Variants in XYLT1 observed in about 807,000 individuals in gnomAD.
The protein encoded by XYLT1 is beta-D-xylosyltransferase 1.
In XYLT1, 36 loss-of-function variants were observed where a neutral mutation model predicts 91.3. The observed-to-expected ratio is 0.39, with a 90% CI of 0.30 to 0.52. The LOEUF (loss-of-function observed/expected upper bound fraction) is 0.52. XYLT1 is among the 20% of genes least tolerant of loss of function. The pLI is 0.68. For synonymous variants in XYLT1, 588 were observed against 532.0 expected (o/e 1.11, Z -1.45); for missense variants, 1,242 against 1,284.5 (o/e 0.97, Z 0.51).
intron 1 of XYLT1, among the ~76,000 whole-genome samples, chr16:17,467,404 G>C (rs66554370): frequency 0.096 from 14,675 of 152,122 alleles, 987 homozygotes; most frequent in African/African-American, 0.18. Flanking sequence ...CTTTATAAGG[G>C]AGTCCATCTG....
rs933396863 is a variant in XYLT1, at chr16:17,258,300, GGAGA to G, written c.913+684_913+687del. On this transcript the variant is annotated intron_variant, in intron 3 of 11. Coordinates refer to ENST00000261381, the MANE Select transcript of XYLT1 (RefSeq NM_022166.4). ...AAGAAAATAGGAAGAAAAGAGGAAAGGAGAGAGAAAGAAAATTAAAATAAGGAAG... is the reference window on the plus strand; with the variant it reads ...AAGAAAATAGGAAGAAAAGAGGAAAGGAGAAAGAAAATTAAAATAAGGAAG... 3.3e-5 allele frequency among the ~76,000 whole-genome samples: 5 copies of G among 150,210 alleles called. No homozygotes were observed. The South Asian group carries it at 1.1e-3, about 32-fold the overall frequency.
At chr16:17,303,266 C>T (rs920814173) in intron 2 of XYLT1, among the ~76,000 whole-genome samples, 14 of 152,238 alleles carry the variant, frequency 9.2e-5, no homozygotes, top group Admixed American at 6.5e-4. Flanking sequence ...TCCTCTTTTG[C>T]GAACCAAAGT....
At chr16:17,127,052 G>A (rs922084413) in intron 10 of XYLT1, among the ~76,000 whole-genome samples, 3 of 152,174 alleles carry the variant, frequency 2.0e-5, no homozygotes, top group South Asian at 2.1e-4. Flanking sequence ...AGTGGGTGCC[G>A]GGGAAGGTTT....
intron 2 of XYLT1, among the ~76,000 whole-genome samples, chr16:17,304,385 A>C (rs2141815624): frequency 6.6e-6 from 1 of 152,280 alleles, no homozygotes; most frequent in Admixed American, 6.5e-5. Context: ...CTTCCTCCCC[A>C]AAGCTGTTGC....
At chr16:17,333,604 T>TTTG in intron 2 of XYLT1, among the ~76,000 whole-genome samples, 1 of 151,014 alleles carries the variant, frequency 6.6e-6, no homozygotes, top group Non-Finnish European at 1.5e-5. Flanking sequence ...TTTTTTTTTT[T>TTTG]TGAGATGAAG....
Position 17,198,264 on chromosome 16 carries a change from C to T in XYLT1, c.1237G>A (p.Asp413Asn), listed in dbSNP as rs774302454. The change falls in exon 5 of 12, where the codon GAC becomes AAC. Residue 413 changes from aspartate (D) to asparagine (N), a missense_variant. This residue lies in a region of XYLT1 where 294 missense variants were observed against 376.0 expected (regional missense o/e 0.78). Transcript: ENST00000261381. ...TTGATGAAGAAGTCCCAGGGCCAGT[C>T]GGTCATCTCCAGGAGGTCCCGCATG... The part of the protein sequence containing the change: ...QSMRDLLEMT[D>N]WPWDFFINLS... The T allele has an allele frequency of 3.1e-5, 50 of 1,614,038 alleles. No individual in the cohort carries two copies. Among genetic ancestry groups the T allele is most frequent in the Admixed American group, 1.2e-4 (7 of 60,002 alleles).
In XYLT1 at chr16:17,455,155, T is replaced by A. The variant is rs552745043; in HGVS notation, c.363+15279A>T. On this transcript the variant is annotated intron_variant, in intron 1 of 11. Transcript: ENST00000261381. Reference sequence around the variant, plus strand: ...GTTAGAAGTCACGATAGAGACCCTATCCTTGCAGGCATGGGGTCAGAGTGG... The same window carrying A: ...GTTAGAAGTCACGATAGAGACCCTAACCTTGCAGGCATGGGGTCAGAGTGG... Among the ~76,000 whole-genome samples the A allele has an allele frequency of 2.0e-5, 3 of 152,170 alleles. No homozygotes were observed. In the South Asian group the frequency reaches 6.2e-4, roughly 32 times the overall value.
At chr16:17,140,188 C>T (rs973511319) in intron 7 of XYLT1, among the ~76,000 whole-genome samples, 2 of 152,162 alleles carry the variant, frequency 1.3e-5, no homozygotes, top group Non-Finnish European at 2.9e-5. Context: ...TGGATCCCCT[C>T]CCCACTTCTA....
At chr16:17,150,956 G>A (rs1425126298) in intron 6 of XYLT1, among the ~76,000 whole-genome samples, 6 of 152,270 alleles carry the variant, frequency 3.9e-5, no homozygotes, top group African/African-American at 1.4e-4. Flanking sequence ...CAAGGGCCCT[G>A]TGGCTGCCAA....
chr16:17,461,555 G>C (rs1035738589), intron 1 of XYLT1, among the ~76,000 whole-genome samples: 91 of 152,324 alleles, frequency 6.0e-4, no homozygotes, highest in African/African-American at 2.1e-3. Flanking sequence ...ATGGGTAAAT[G>C]GATGGACAGA....
Position 17,452,007 on chromosome 16 carries a change from C to G in XYLT1, c.363+18427G>C, listed in dbSNP as rs374139677. 3.9e-5 allele frequency among the ~76,000 whole-genome samples: 6 copies of G among 152,278 alleles called. No individual in the cohort carries two copies. The South Asian group carries it at 8.3e-4, about 21-fold the overall frequency. ...TTGATGTGGGCAGGCTAAGTGATAA[C>G]TTCCCCTAACCCGCCCATCCTAATA... On this transcript the variant is annotated intron_variant, in intron 1 of 11. Transcript: ENST00000261381.
chr16:17,337,497 T>G (rs1307725651), intron 2 of XYLT1, among the ~76,000 whole-genome samples: 1 of 152,076 alleles, frequency 6.6e-6, no homozygotes, highest in Non-Finnish European at 1.5e-5. Context: ...CTGAGAACCT[T>G]TAATTGAACT....
chr16:17,328,547 T>TAAAAAAAA, intron 2 of XYLT1, among the ~76,000 whole-genome samples: 1 of 12,606 alleles, frequency 7.9e-5, no homozygotes, highest in Non-Finnish European at 1.6e-4. Flanking sequence ...AGACTCCTTC[T>TAAAAAAAA]CAAAAAAAAA....
chr16:17,227,913 T>A (rs1246456182), intron 3 of XYLT1: 1 of 152,172 alleles, frequency 6.6e-6, no homozygotes, highest in African/African-American at 2.4e-5. Flanking sequence ...ACAGAGACTC[T>A]TGGATTTTTG....
chr16:17,449,697 C>T lies in XYLT1; in HGVS notation c.363+20737G>A, dbSNP rs916390029. Among the ~76,000 whole-genome samples the T allele has an allele frequency of 2.6e-5, 4 of 152,166 alleles. No individual in the cohort carries two copies. The East Asian group carries it at 7.7e-4, about 29-fold the overall frequency. On this transcript the variant is annotated intron_variant, in intron 1 of 11. Coordinates refer to ENST00000261381, the MANE Select transcript of XYLT1 (RefSeq NM_022166.4). The stretch of plus-strand genomic sequence containing the variant: ...CTTAATAAATGGTAGCTGCTAATTA[C>T]TATTATTTATCATCATCAACAGGAC...
Position 17,200,557 on chromosome 16 carries a change from A to G in XYLT1, c.1011T>C (p.Arg337=). ...RIAFVLVVHG[R]ASRQLQRMFK... ...ACATGCGCTGCAACTGCCGAGAGGC[A>G]CGGCCGTGGACCACCAGGACAAAGG... Residue 337 remains arginine, a synonymous_variant, in exon 4 of 12, where the codon CGT becomes CGC. Coordinates refer to ENST00000261381, the MANE Select transcript of XYLT1 (RefSeq NM_022166.4). The G allele has an allele frequency of 6.2e-7, 1 of 1,614,198 alleles. No homozygotes were observed. Among genetic ancestry groups the G allele is most frequent in the South Asian group, 1.1e-5 (1 of 91,084 alleles).
At chr16:17,259,869 G>C (rs2033696626) in intron 2 of XYLT1, among the ~76,000 whole-genome samples, 1 of 152,114 alleles carries the variant, frequency 6.6e-6, no homozygotes, top group African/African-American at 2.4e-5. Context: ...TGCTGTGATG[G>C]TTTACTTAAG....
At chr16:17,277,927 T>C (rs965724588) in intron 2 of XYLT1, among the ~76,000 whole-genome samples, 1 of 152,120 alleles carries the variant, frequency 6.6e-6, no homozygotes, top group Admixed American at 6.5e-5. Context: ...GCCAGAGTTG[T>C]CCCACCCAGG....
At chr16:17,159,844 G>C (rs954036381) in intron 5 of XYLT1, among the ~76,000 whole-genome samples, 2 of 152,176 alleles carry the variant, frequency 1.3e-5, no homozygotes, top group Non-Finnish European at 2.9e-5. Flanking sequence ...GCAGTCACAC[G>C]GGTCTCCATC....
Sources: allele counts gnomAD v4.1 joint callset (sites outside exome capture counted in the v4.1 genomes callset), GRCh38; gene constraint gnomAD v4.1.1; regional missense constraint gnomAD v4.1.1; transcripts MANE v1.5; gene names NCBI Gene and HGNC (gene_info 2026-07-23, HGNC 2026-07-21).